The following PTPRJ variants were observed in gnomAD, a reference collection of about 807,000 sequenced individuals.
PTPRJ encodes protein tyrosine phosphatase receptor type J, also known as receptor-type tyrosine-protein phosphatase eta.
Under a neutral mutation model 141.3 loss-of-function variants are expected in PTPRJ, and 129 were observed. The observed-to-expected ratio is 0.91, with a 90% confidence interval of 0.79 to 1.06. The LOEUF (loss-of-function observed/expected upper bound fraction) is 1.06. Among genes scored for constraint, PTPRJ ranks in the 50% least tolerant of loss-of-function variants. The probability of loss-of-function intolerance (pLI) is 0.00; values close to 1 mark genes in which losing one functional copy is unlikely to be tolerated. For missense variants in PTPRJ, 1,601 were observed against 1,679.7 expected, an observed-to-expected ratio of 0.95 and a Z score of 0.82; for synonymous variants, 610 against 640.5, an observed-to-expected ratio of 0.95 and a Z score of 0.72.
intron 1 of PTPRJ, among the ~76,000 whole-genome samples, chr11:48,090,902 C>G (rs1198183372): frequency 1.3e-5 from 2 of 152,156 alleles, no homozygotes; most frequent in South Asian, 4.1e-4. Context: ...GCATCTGCCT[C>G]ATGATGTCAA....
rs550606864 is a variant in PTPRJ at position 47,991,274 on chromosome 11, C to T, written c.96+10266C>T. Among the ~76,000 whole-genome samples the T allele has an allele frequency of 3.9e-5, 6 of 151,994 alleles. No individual in the cohort carries two copies. In the South Asian group the frequency reaches 6.2e-4, roughly 16 times the overall value. On this transcript the variant is annotated intron_variant, in intron 1 of 24. Transcript: ENST00000418331. ...AGGAGCACAGGGATATTGACTGTGT[C>T]CCTTAAAAAAAACAAAACAAAACGT...
At position 48,117,976 on chromosome 11, in the gene PTPRJ, C is replaced by T. The variant is rs188754546; in HGVS notation, c.353-3027C>T. Among the ~76,000 whole-genome samples the T allele has an allele frequency of 2.4e-3, 372 of 152,172 alleles. 1 individual carries two copies. Among genetic ancestry groups the T allele is most frequent in the African/African-American group, 8.5e-3 (351 of 41,534 alleles). On this transcript the variant is annotated intron_variant, in intron 3 of 24. Transcript: ENST00000418331. The stretch of plus-strand genomic sequence containing the variant: ...CTAGAAGAAATGGATAAATTCCTTG[C>T]CATATACCATTTACTATGATTGAAT...
chr11:48,110,133 A>G (rs1194219751), intron 2 of PTPRJ, 57 bp downstream of exon 2: 1 of 1,526,906 alleles, frequency 6.5e-7, no homozygotes, highest in Non-Finnish European at 9.0e-7. Context: ...CCTAATGGAC[A>G]CACAGCAACA....
chr11:48,132,454 A>G (rs1857004514), intron 8 of PTPRJ: 1 of 983,210 alleles, frequency 1.0e-6, no homozygotes, highest in Non-Finnish European at 1.2e-6. Context: ...CTAGAGAGTA[A>G]TGTTCATTAT....
intron 1 of PTPRJ, among the ~76,000 whole-genome samples, chr11:48,054,887 A>T (rs1174558601): frequency 6.6e-6 from 1 of 150,792 alleles, no homozygotes; most frequent in African/African-American, 2.4e-5. Flanking sequence ...GAAGGGGGGT[A>T]TATAAAGCCG....
chr11:48,116,603 C>T (rs572539098), intron 3 of PTPRJ, among the ~76,000 whole-genome samples: 1 of 152,302 alleles, frequency 6.6e-6, no homozygotes, highest in East Asian at 1.9e-4. Flanking sequence ...AACATTCCAT[C>T]CAACAGCTGT....
In PTPRJ at chr11:48,128,013, G is replaced by GGCACGCCGGGCTTCCTCCAAGT. The variant is rs1213189814; in HGVS notation, c.1332_1353dup (p.Thr452AlafsTer15). 6.2e-7 allele frequency: 1 copy of GGCACGCCGGGCTTCCTCCAAGT among 1,613,368 alleles called. No homozygotes were observed. Among genetic ancestry groups the GGCACGCCGGGCTTCCTCCAAGT allele is most frequent in the South Asian group, 1.1e-5 (1 of 91,078 alleles). On this transcript the variant is annotated frameshift_variant, in exon 7 of 25. Transcript: ENST00000418331. LOFTEE classifies it high-confidence loss of function. Reference sequence around the variant, plus strand: ...GTGTCCTGTCCTAGGTGACATCGAGGGCACGCCGGGCTTCCTCCAAGTGCA... The same window carrying GGCACGCCGGGCTTCCTCCAAGT: ...GTGTCCTGTCCTAGGTGACATCGAGGGCACGCCGGGCTTCCTCCAAGTGCACGCCGGGCTTCCTCCAAGTGCA...
intron 1 of PTPRJ, among the ~76,000 whole-genome samples, chr11:48,016,842 A>G (rs371007596): frequency 7.9e-5 from 12 of 152,296 alleles, no homozygotes; most frequent in African/African-American, 2.9e-4. Flanking sequence ...TCACCATGGT[A>G]AACTTTACAT....
chr11:48,149,336 GA>G, intron 15 of PTPRJ, 110 bp from the exon 16 acceptor site: 1 of 750,458 alleles, frequency 1.3e-6, no homozygotes, highest in Non-Finnish European at 2.3e-6. Context: ...AATGCCTGAG[GA>G]AAAGGTGTAA....
chr11:48,016,654 C>T (rs772138685), intron 1 of PTPRJ, among the ~76,000 whole-genome samples: 6 of 152,070 alleles, frequency 3.9e-5, no homozygotes, highest in Non-Finnish European at 8.8e-5. Context: ...TTCTGCCCTG[C>T]CAGCCTCACA....
intron 15 of PTPRJ, among the ~76,000 whole-genome samples, chr11:48,148,358 A>T (rs571874388): frequency 5.3e-4 from 80 of 152,350 alleles, no homozygotes; most frequent in African/African-American, 1.9e-3. Flanking sequence ...AAATGTGTGC[A>T]CACACATGGA....
intron 24 of PTPRJ, among the ~76,000 whole-genome samples, chr11:48,164,974 T>G (rs1048177365): frequency 1.3e-5 from 2 of 152,204 alleles, no homozygotes; most frequent in Non-Finnish European, 2.9e-5. Flanking sequence ...TGGATTTCTT[T>G]GCAGACTTTA....
At chr11:48,017,882 C>T (rs750613783) in intron 1 of PTPRJ, among the ~76,000 whole-genome samples, 2 of 152,180 alleles carry the variant, frequency 1.3e-5, no homozygotes, top group Non-Finnish European at 2.9e-5. Context: ...TCATTGACTC[C>T]TGGTTAGTTT....
chr11:48,035,538 C>CTTTTTTTTTTTTTTTTTTTTTTTTTT (rs66504227), intron 1 of PTPRJ, among the ~76,000 whole-genome samples: 37 of 61,752 alleles, frequency 6.0e-4, no homozygotes, highest in East Asian at 1.6e-3. Context: ...CTTTCTTCTT[C>CTTTTTTTTTTTTTTTTTTTTTTTTTT]TTTTTTTTTT....
chr11:48,135,965 C>A, intron 8 of PTPRJ, 74 bp from the exon 9 acceptor site: 2 of 1,537,344 alleles, frequency 1.3e-6, no homozygotes, highest in Non-Finnish European at 8.8e-7. Flanking sequence ...CAGGTCCTCT[C>A]GACAGCACTT....
At chr11:48,119,223 G>T (rs1000288506) in intron 3 of PTPRJ, among the ~76,000 whole-genome samples, 3 of 152,036 alleles carry the variant, frequency 2.0e-5, no homozygotes, top group African/African-American at 4.8e-5. Context: ...ATTGTAAATG[G>T]AAGCACAGTG....
chr11:48,153,805 C>A lies in PTPRJ; in HGVS notation c.3148C>A (p.Leu1050Ile). The change falls in exon 19 of 25, where the codon CTT (leucine) becomes ATT (isoleucine). Residue 1050 changes from leucine (L) to isoleucine (I), a missense_variant. Physicochemically the swap from Leu to Ile is conservative, Grantham distance 5. Transcript: ENST00000418331. ...TTTGTTTTGTTTTCAGGATCTGAAG[C>A]TTGTTGGAATTAGTCAACCTAAATA... ...GFAEEYEDLK[L>I]VGISQPKYAA... The A allele has an allele frequency of 1.2e-6, 2 of 1,610,882 alleles. No individual in the cohort carries two copies. Among genetic ancestry groups the A allele is most frequent in the Non-Finnish European group, 1.7e-6 (2 of 1,177,142 alleles).
At chr11:48,025,244 A>G (rs1475344433) in intron 1 of PTPRJ, among the ~76,000 whole-genome samples, 1 of 152,154 alleles carries the variant, frequency 6.6e-6, no homozygotes, top group Non-Finnish European at 1.5e-5. Flanking sequence ...TCAGTCCTAG[A>G]GATTAAAAAG....
At chr11:48,160,505 A>C (rs1465039547) in intron 22 of PTPRJ, among the ~76,000 whole-genome samples, 1 of 152,228 alleles carries the variant, frequency 6.6e-6, no homozygotes, top group Non-Finnish European at 1.5e-5. Context: ...AAATTTACAA[A>C]AGCAAATCCA....
Sources: allele counts gnomAD v4.1 joint callset (sites outside exome capture counted in the v4.1 genomes callset), GRCh38; gene constraint gnomAD v4.1.1; transcripts MANE v1.5; gene names NCBI Gene and HGNC (gene_info 2026-07-23, HGNC 2026-07-21).